Variants in TAF12 observed in about 807,000 individuals in gnomAD.
TAF12 encodes transcription initiation factor TFIID subunit 12.
Under a neutral mutation model 20.8 loss-of-function variants are expected in TAF12, and 3 were observed. That is an observed-to-expected ratio of 0.14 (90% confidence interval 0.07 to 0.37). TAF12 has a LOEUF of 0.37. Among genes scored for constraint, TAF12 ranks in the 10% least tolerant of loss-of-function variants. The pLI is 1.00. For missense variants in TAF12, 131 were observed against 197.9 expected, an observed-to-expected ratio of 0.66 and a Z score of 2.03; for synonymous variants, 69 against 70.2, an observed-to-expected ratio of 0.98 and a Z score of 0.09.
chr1:28,633,097 G>T lies in TAF12; in HGVS notation c.-85+9895C>A, dbSNP rs1667693116. ...ACTGGTCGCGAACTCCTGACCTCAG[G>T]TGATCCACCTGCCTCGGCCTCCCAA... On this transcript the variant is annotated intron_variant, in intron 1 of 5. Transcript: ENST00000373824. Among the ~76,000 whole-genome samples, 3 of 151,340 alleles carry T rather than the reference G, an allele frequency of 2.0e-5. No homozygotes were observed. In the South Asian group the frequency reaches 6.2e-4, roughly 31 times the overall value.
chr1:28,641,587 A>G (rs1668035197), intron 1 of TAF12, among the ~76,000 whole-genome samples: 1 of 152,146 alleles, frequency 6.6e-6, no homozygotes, highest in Non-Finnish European at 1.5e-5. Context: ...TGAGCTTAGG[A>G]GTTTGAGACC....
chr1:28,614,321 T>C (rs1666961110), intron 3 of TAF12, among the ~76,000 whole-genome samples: 2 of 151,788 alleles, frequency 1.3e-5, no homozygotes, highest in Non-Finnish European at 2.9e-5. Flanking sequence ...CCCAGAACTT[T>C]GGGAGGCTGA....
At chr1:28,618,107 G>T in intron 2 of TAF12, 77 bp from the exon 3 acceptor site, 1 of 1,391,024 alleles carries the variant, frequency 7.2e-7, no homozygotes, top group Non-Finnish European at 1.0e-6. Flanking sequence ...AATGAAGAAA[G>T]GCTGTCAAAT....
At chr1:28,643,245 G>A (rs188459797), upstream of TAF12, 2 of 339,876 alleles carry the variant, frequency 5.9e-6, no homozygotes, top group Admixed American at 1.3e-4. Context: ...TTAACTGCTT[G>A]TGGTTGAGTG....
chr1:28,637,473 T>C (rs1326955469), intron 1 of TAF12, among the ~76,000 whole-genome samples: 1 of 152,084 alleles, frequency 6.6e-6, no homozygotes, highest in Non-Finnish European at 1.5e-5. Flanking sequence ...AAGACCAGCC[T>C]GACCAATATG....
Position 28,602,924 on chromosome 1 carries a change from T to TG in TAF12, c.*614dup, listed in dbSNP as rs1467392859. The TG allele has an allele frequency of 6.6e-6, 1 of 152,220 alleles. No individual in the cohort carries two copies. Among genetic ancestry groups the TG allele is most frequent in the Non-Finnish European group, 1.5e-5 (1 of 68,062 alleles). 9.4% of individuals were successfully genotyped at this position (152,220 alleles called of 1,614,324 possible). A position where few individuals can be genotyped will look rare whatever the true frequency, so the allele number is the denominator to read the frequency against. On this transcript the variant is annotated 3_prime_UTR_variant, in exon 6 of 6. Coordinates refer to ENST00000373824, the MANE Select transcript of TAF12 (RefSeq NM_005644.4). ...TACTCAATTCTTATGGCCGAGAAGC[T>TG]GGACTCAAACTCCTGCTGATGTTAT...
intron 1 of TAF12, among the ~76,000 whole-genome samples, chr1:28,637,325 C>T (rs948334343): frequency 7.9e-5 from 12 of 152,002 alleles, no homozygotes; most frequent in East Asian, 3.9e-4. Context: ...CTGCAACCTC[C>T]GCCTCTGGCC....
At chr1:28,611,338 C>T (rs1051188813) in intron 4 of TAF12, among the ~76,000 whole-genome samples, 6 of 151,998 alleles carry the variant, frequency 3.9e-5, no homozygotes, top group African/African-American at 1.4e-4. Flanking sequence ...GCATCAGACA[C>T]GGAAGATATG....
In TAF12 at chr1:28,622,108, C is replaced by T. The variant is rs770026835; in HGVS notation, c.-27G>A. 1.2e-5 allele frequency: 19 copies of T among 1,594,856 alleles called. No homozygotes were observed. Among genetic ancestry groups the T allele is most frequent in the Non-Finnish European group, 1.6e-5 (19 of 1,173,782 alleles). On this transcript the variant is annotated 5_prime_UTR_variant, in exon 2 of 6. It removes an upstream start codon present in the reference 5' UTR. Coordinates refer to ENST00000373824, the MANE Select transcript of TAF12 (RefSeq NM_005644.4). ...ATCTGCCGAGCTTTGGACTTCAGCT[C>T]ATAGAGCTTATCGAGATCCTGTTTC...
intron 3 of TAF12, 112 bp downstream of exon 3, chr1:28,617,841 C>T: frequency 9.8e-7 from 1 of 1,019,366 alleles, no homozygotes; most frequent in Non-Finnish European, 1.5e-6. Flanking sequence ...AATCCTCCTG[C>T]TTTGGTCTCT....
At chr1:28,622,896 G>A (rs1459849413) in intron 1 of TAF12, among the ~76,000 whole-genome samples, 3 of 151,996 alleles carry the variant, frequency 2.0e-5, no homozygotes, top group Non-Finnish European at 4.4e-5. Flanking sequence ...AGTGGCACAT[G>A]CCTATAATCC....
At chr1:28,610,866 A>C (rs1254346615) in intron 4 of TAF12, among the ~76,000 whole-genome samples, 3 of 151,192 alleles carry the variant, frequency 2.0e-5, no homozygotes, top group African/African-American at 7.3e-5. Flanking sequence ...AGGCTGAGGC[A>C]GAAGAATCCC....
chr1:28,635,156 G>A (rs1261710401), intron 1 of TAF12, among the ~76,000 whole-genome samples: 18 of 149,938 alleles, frequency 1.2e-4, no homozygotes, highest in African/African-American at 3.7e-4. Flanking sequence ...CGCGAACCCG[G>A]GAGGTGGAGC....
At chr1:28,610,990 T>C (rs1004081969) in intron 4 of TAF12, among the ~76,000 whole-genome samples, 2 of 111,758 alleles carry the variant, frequency 1.8e-5, no homozygotes, top group African/African-American at 3.4e-5. Flanking sequence ...AAAACACAGG[T>C]GGAGTCTGTG....
intron 3 of TAF12, among the ~76,000 whole-genome samples, chr1:28,615,766 T>C (rs1010439345): frequency 2.7e-5 from 4 of 147,524 alleles, no homozygotes; most frequent in Admixed American, 6.8e-5. Context: ...TCCGGAGATA[T>C]TGAATGATTC....
At chr1:28,614,072 T>C (rs1280459560) in intron 3 of TAF12, among the ~76,000 whole-genome samples, 4 of 151,854 alleles carry the variant, frequency 2.6e-5, no homozygotes, top group Middle Eastern at 3.4e-3. Flanking sequence ...ACCCTGTCTC[T>C]ACTAAAAATA....
intron 3 of TAF12, among the ~76,000 whole-genome samples, chr1:28,616,288 C>T (rs143144161): frequency 0.042 from 6,217 of 149,412 alleles, 156 homozygotes; most frequent in Middle Eastern, 0.089. Context: ...CCCAGCTACT[C>T]GGGAGGCTGA....
chr1:28,635,870 A>G (rs1342660777), intron 1 of TAF12, among the ~76,000 whole-genome samples: 1 of 152,140 alleles, frequency 6.6e-6, no homozygotes, highest in African/African-American at 2.4e-5. Flanking sequence ...AACAGAAGAA[A>G]AGGTAGCCTT....
At chr1:28,612,267 T>C (rs1457041465) in intron 4 of TAF12, among the ~76,000 whole-genome samples, 1 of 151,646 alleles carries the variant, frequency 6.6e-6, no homozygotes, top group East Asian at 1.9e-4. Flanking sequence ...CTGACCAACA[T>C]GATGAAACCC....
Sources: allele counts gnomAD v4.1 joint callset (sites outside exome capture counted in the v4.1 genomes callset), GRCh38; gene constraint gnomAD v4.1.1; transcripts MANE v1.5; gene names NCBI Gene and HGNC (gene_info 2026-07-23, HGNC 2026-07-21).